The following ISG20 variants were observed in gnomAD, a reference collection of about 807,000 sequenced individuals.
ISG20 encodes the protein interferon-stimulated gene 20 kDa protein.
Under a neutral mutation model 11.1 loss-of-function variants are expected in ISG20, and 8 were observed. The ratio of observed to expected loss-of-function variants is 0.72; its 90% confidence interval spans 0.42 to 1.30. The LOEUF (loss-of-function observed/expected upper bound fraction) is 1.30. Among genes scored for constraint, ISG20 ranks in the 50% most tolerant of loss-of-function variants. ISG20 has a pLI of 0.01. For missense variants in ISG20, 243 were observed against 250.2 expected (o/e 0.97, Z 0.19); for synonymous variants, 110 against 101.7 (o/e 1.08, Z -0.49).
rs199695160 is a variant in ISG20, at chr15:88,652,093, C to T, written c.229-17C>T. 1.0e-3 allele frequency: 1,627 copies of T among 1,613,818 alleles called. 1 individual carries two copies. The highest frequency in any genetic ancestry group is 1.3e-3 in the Non-Finnish European group (1,536 of 1,179,926). The stretch of plus-strand genomic sequence containing the variant: ...ATGCTGGGTCATGTAGGGGTGGGCA[C>T]ATGTCTTCCTGGCCAGATCCTGCAG... On this transcript the variant is annotated splice_polypyrimidine_tract_variant and intron_variant, in intron 2 of 3. Coordinates refer to ENST00000306072, the MANE Select transcript of ISG20 (RefSeq NM_002201.6).
Position 88,655,417 on chromosome 15 carries a change from C to T in ISG20, c.432C>T (p.Asn144=), listed in dbSNP as rs1031948178. Residue 144 remains asparagine (N), a splice_region_variant and synonymous_variant, in exon 4 of 4, where the codon AAC becomes AAT. Coordinates refer to ENST00000306072, the MANE Select transcript of ISG20 (RefSeq NM_002201.6). The part of the protein sequence containing the change: ...SERLLHKSIQ[N]SLLGHSSVED... ...CCACTCTATACTTGTGTCTGCAGAA[C>T]AGCCTGCTTGGACACAGCTCGGTGG... The T allele has an allele frequency of 3.7e-6, 6 of 1,613,776 alleles. No homozygotes were observed. The Admixed American group carries it at 8.3e-5, about 22-fold the overall frequency.
rs1302983827 is a variant in ISG20, at chr15:88,652,239, G to T, written c.358G>T (p.Ala120Ser). ...CACTGACAGGCTGTTGTGGCGTGAGGCCAAGCTGGACCACTGCAGGCGTGT... is the reference window on the plus strand; with the variant it reads ...CACTGACAGGCTGTTGTGGCGTGAGTCCAAGCTGGACCACTGCAGGCGTGT... Reference protein sequence around the residue: ...TSTDRLLWREAKLDHCRRVSL... With the variant: ...TSTDRLLWRESKLDHCRRVSL... The change falls in exon 3 of 4, where the codon GCC becomes TCC. Residue 120 changes from alanine to serine, a missense_variant. By Grantham distance (99) the Ala-to-Ser change is moderately conservative (BLOSUM62 1). Coordinates refer to ENST00000306072, the MANE Select transcript of ISG20 (RefSeq NM_002201.6). 1.9e-6 allele frequency: 3 copies of T among 1,614,014 alleles called. No individual in the cohort carries two copies. Among genetic ancestry groups the T allele is most frequent in the Non-Finnish European group, 2.5e-6 (3 of 1,179,954 alleles).
At chr15:88,642,522 TC>T (rs1445812414) in intron 2 of ISG20, among the ~76,000 whole-genome samples, 1 of 152,132 alleles carries the variant, frequency 6.6e-6, no homozygotes, top group Non-Finnish European at 1.5e-5. Flanking sequence ...TCCAGTGGGG[TC>T]CCCAGCAGCC....
chr15:88,653,508 A>G (rs2058322624), intron 3 of ISG20, among the ~76,000 whole-genome samples: 1 of 150,548 alleles, frequency 6.6e-6, no homozygotes, highest in Non-Finnish European at 1.5e-5. Context: ...TGTTAGCCTC[A>G]AGGCACATAA....
At chr15:88,652,745 A>G (rs1232017018) in intron 3 of ISG20, among the ~76,000 whole-genome samples, 1 of 147,782 alleles carries the variant, frequency 6.8e-6, no homozygotes. Flanking sequence ...GGATGAGGGC[A>G]GGGAAGGGAA....
Position 88,650,349 on chromosome 15 carries a change from G to C in ISG20, c.229-1761G>C. 6.5e-7 allele frequency: 1 copy of C among 1,535,036 alleles called. No homozygotes were observed. The highest frequency in any genetic ancestry group is 8.7e-7 in the Non-Finnish European group (1 of 1,146,676). The stretch of plus-strand genomic sequence containing the variant: ...GGCGAGGCGAGGAACGCGGGGCTGG[G>C]GCAGTCACAGCTGGGCGCCTGGGCT... On this transcript the variant is annotated intron_variant, in intron 2 of 3. Coordinates refer to ENST00000306072, the MANE Select transcript of ISG20 (RefSeq NM_002201.6). This position sits in a 1 kb window ranked among gnomAD's most constrained non-coding sequence, Gnocchi z 4.0.
At chr15:88,644,556 A>G (rs2058138039) in intron 2 of ISG20, among the ~76,000 whole-genome samples, 1 of 79,312 alleles carries the variant, frequency 1.3e-5, no homozygotes, top group Non-Finnish European at 3.4e-5. Context: ...AAGAAAAGAC[A>G]AAAAAAAAAA....
intron 2 of ISG20, chr15:88,651,186 C>G: frequency 1.0e-6 from 1 of 985,146 alleles, no homozygotes; most frequent in African/African-American, 1.7e-5. Flanking sequence ...AAGGAATTTG[C>G]AAACTTGTTT....
chr15:88,644,202 AC>A lies in ISG20; in HGVS notation c.228+4610del, dbSNP rs1324743146. ...GTTTCAAGAAAACTAGAATGGGAAT[AC>A]CATGCAGGATAGATGGGAGCGAGAA... On this transcript the variant is annotated intron_variant, in intron 2 of 3. Coordinates refer to ENST00000306072, the MANE Select transcript of ISG20 (RefSeq NM_002201.6). Among the ~76,000 whole-genome samples the A allele has an allele frequency of 3.3e-5, 5 of 152,286 alleles. No individual in the cohort carries two copies. In the East Asian group the frequency reaches 9.6e-4, roughly 29 times the overall value.
intron 3 of ISG20, among the ~76,000 whole-genome samples, chr15:88,655,062 C>T (rs944331461): frequency 1.3e-5 from 2 of 152,248 alleles, no homozygotes; most frequent in African/African-American, 2.4e-5. Flanking sequence ...GCTGGAGTTC[C>T]TCACTCCCTC....
At chr15:88,642,732 T>G (rs997216196) in intron 2 of ISG20, among the ~76,000 whole-genome samples, 2 of 152,176 alleles carry the variant, frequency 1.3e-5, no homozygotes, top group Non-Finnish European at 2.9e-5. Flanking sequence ...GTCTCCCGCC[T>G]TGACCTCCCA....
At chr15:88,653,028 G>A (rs1387887520) in intron 3 of ISG20, among the ~76,000 whole-genome samples, 4 of 152,030 alleles carry the variant, frequency 2.6e-5, no homozygotes, top group African/African-American at 9.7e-5. Flanking sequence ...GGGGTTGGGA[G>A]TTCACCCTGT....
chr15:88,645,282 G>A (rs751121945), intron 2 of ISG20, among the ~76,000 whole-genome samples: 6 of 152,160 alleles, frequency 3.9e-5, no homozygotes, highest in Non-Finnish European at 5.9e-5. Context: ...GGTCTCATGC[G>A]GGTCAGATGC....
chr15:88,640,614 T>C (rs1209715122), intron 2 of ISG20, among the ~76,000 whole-genome samples: 1 of 152,136 alleles, frequency 6.6e-6, no homozygotes. Flanking sequence ...TTTGTTGGGT[T>C]ATTGCGAGGA....
At chr15:88,655,269 T>A (rs1403188733) in intron 3 of ISG20, 146 bp from the exon 4 acceptor site, 3 of 709,306 alleles carry the variant, frequency 4.2e-6, no homozygotes, top group Non-Finnish European at 7.3e-6. Flanking sequence ...GTCTCCTAAG[T>A]CCAGAGTGTC....
chr15:88,651,987 G>A (rs2058281145), intron 2 of ISG20, 123 bp from the exon 3 acceptor site: 3 of 1,520,408 alleles, frequency 2.0e-6, no homozygotes, highest in Non-Finnish European at 8.8e-7. Flanking sequence ...TGAAGCCCAG[G>A]GAGGACTGAT....
At chr15:88,641,363 T>A (rs573561583) in intron 2 of ISG20, among the ~76,000 whole-genome samples, 2 of 152,272 alleles carry the variant, frequency 1.3e-5, no homozygotes, top group Non-Finnish European at 2.9e-5. Context: ...TTGTTAGGGC[T>A]GCCATAACAA....
chr15:88,652,040 C>T, intron 2 of ISG20, 70 bp from the exon 3 acceptor site: 3 of 1,601,948 alleles, frequency 1.9e-6, no homozygotes, highest in South Asian at 2.2e-5. Context: ...GGGATTGCTC[C>T]CTTGCCAGCC....
Position 88,639,305 on chromosome 15 carries a change from C to A in ISG20, c.-24-38C>A. On this transcript the variant is annotated intron_variant, in intron 1 of 3. Coordinates refer to ENST00000306072, the MANE Select transcript of ISG20 (RefSeq NM_002201.6). This position sits in a 1 kb window ranked among gnomAD's most constrained non-coding sequence, Gnocchi z 4.2. ...TGAGGACACCTGGAGGCTTGGTTTG[C>A]CCAAGCGTGAGACCGCCCCCCATAC... is the stretch of plus-strand genomic sequence containing the variant. The A allele has an allele frequency of 7.4e-7, 1 of 1,348,110 alleles. No homozygotes were observed. Among genetic ancestry groups the A allele is most frequent in the Non-Finnish European group, 1.0e-6 (1 of 979,756 alleles). 83.5% of individuals were successfully genotyped at this position (1,348,110 alleles called of 1,614,324 possible).
Sources: gnomAD v4.1 joint callset for allele counts (sites outside exome capture counted in the v4.1 genomes callset) on GRCh38, gnomAD v4.1.1 for gene constraint, Gnocchi (gnomAD v3.1) non-coding constraint, MANE v1.5 for transcripts, NCBI Gene and HGNC (gene_info 2026-07-23, HGNC 2026-07-21) for gene names.